Variants in RBFOX1 observed in about 807,000 individuals in gnomAD.
RBFOX1 encodes RNA binding fox-1 homolog 1, also known as RNA binding protein fox-1 homolog 1.
RBFOX1 carries 8 observed loss-of-function variants against 57.7 expected under a neutral mutation model. That is an observed-to-expected ratio of 0.14 (90% CI 0.08 to 0.25). The LOEUF is 0.25. Among genes scored for constraint, RBFOX1 ranks in the 10% least tolerant of loss-of-function variants. The pLI is 1.00. For missense variants in RBFOX1, 611 were observed against 548.5 expected (o/e 1.11, Z -1.14); for synonymous variants, 326 against 222.4 (o/e 1.47, Z -4.15).
chr16:5,887,569 T>C (rs1388122485), intron 4 of RBFOX1, among the ~76,000 whole-genome samples: 1 of 151,640 alleles, frequency 6.6e-6, no homozygotes, highest in Admixed American at 6.6e-5. Context: ...GCCTGGATAA[T>C]TTTTTTTTCT....
At chr16:7,698,687 C>T (rs1223355142) in intron 14 of RBFOX1, among the ~76,000 whole-genome samples, 2 of 152,190 alleles carry the variant, frequency 1.3e-5, no homozygotes, top group African/African-American at 4.8e-5. Flanking sequence ...AGTTGTCATG[C>T]AGTAAATTGA....
chr16:5,615,200 A>G (rs1364290572), intron 3 of RBFOX1, among the ~76,000 whole-genome samples: 3 of 152,066 alleles, frequency 2.0e-5, no homozygotes, highest in African/African-American at 4.8e-5. Context: ...ACATCTGGCT[A>G]TCTTCATTTT....
At chr16:6,131,034 C>T (rs985392067) in intron 1 of RBFOX1, among the ~76,000 whole-genome samples, 13 of 152,076 alleles carry the variant, frequency 8.5e-5, no homozygotes, top group South Asian at 2.1e-4. Context: ...TTATAAAGAG[C>T]GTAAGAGGCC....
chr16:7,700,906 G>A (rs1228564766), intron 14 of RBFOX1, among the ~76,000 whole-genome samples: 1 of 152,082 alleles, frequency 6.6e-6, no homozygotes. Context: ...ATGGGTAAAT[G>A]GTCTGAGTCT....
intron 2 of RBFOX1, among the ~76,000 whole-genome samples, chr16:5,532,786 T>A (rs2044539834): frequency 6.6e-6 from 1 of 152,078 alleles, no homozygotes; most frequent in South Asian, 2.1e-4. Context: ...TGGGGTGAAT[T>A]GGGGTGGTGG....
intron 3 of RBFOX1, among the ~76,000 whole-genome samples, chr16:6,910,583 G>C (rs780041791): frequency 1.3e-5 from 2 of 152,140 alleles, no homozygotes; most frequent in African/African-American, 2.4e-5. Flanking sequence ...CAAAGCCTCA[G>C]CAGGGCTGCA....
intron 3 of RBFOX1, among the ~76,000 whole-genome samples, chr16:6,734,456 A>G (rs149823581): frequency 1.9e-3 from 286 of 152,296 alleles, no homozygotes; most frequent in African/African-American, 6.5e-3. Context: ...CCTCATGATA[A>G]AGGTCATGGT....
At chr16:5,311,331 C>T (rs1347460925) in intron 1 of RBFOX1, among the ~76,000 whole-genome samples, 1 of 152,104 alleles carries the variant, frequency 6.6e-6, no homozygotes, top group African/African-American at 2.4e-5. Context: ...GGTTCCATAT[C>T]TTTGCAATTG....
chr16:5,262,188 C>T (rs2062752131), intron 1 of RBFOX1, among the ~76,000 whole-genome samples: 1 of 152,196 alleles, frequency 6.6e-6, no homozygotes, highest in Admixed American at 6.5e-5. Flanking sequence ...AGGATTTGGA[C>T]ATGCAGTAAC....
At chr16:6,994,977 G>A (rs1396055861) in intron 3 of RBFOX1, among the ~76,000 whole-genome samples, 1 of 146,282 alleles carries the variant, frequency 6.8e-6, no homozygotes, top group African/African-American at 2.5e-5. Context: ...GTGTGTGTTG[G>A]TCATTGTATT....
chr16:6,611,412 G>A (rs1318385305), intron 2 of RBFOX1, among the ~76,000 whole-genome samples: 1 of 152,186 alleles, frequency 6.6e-6, no homozygotes, highest in African/African-American at 2.4e-5. Context: ...CTCCCAAAGT[G>A]CTGGGATGTC....
intron 4 of RBFOX1, among the ~76,000 whole-genome samples, chr16:7,384,702 A>C (rs2097848506): frequency 6.6e-6 from 1 of 152,206 alleles, no homozygotes; most frequent in Non-Finnish European, 1.5e-5. Flanking sequence ...CTAGACTTAG[A>C]CTTGCACGAA....
intron 1 of RBFOX1, among the ~76,000 whole-genome samples, chr16:5,281,379 A>G (rs927180374): frequency 1.8e-4 from 27 of 152,166 alleles, no homozygotes; most frequent in African/African-American, 4.3e-4. Context: ...CCATGTGTTG[A>G]TGAGATGATA....
intron 1 of RBFOX1, among the ~76,000 whole-genome samples, chr16:5,263,394 C>T (rs1375319674): frequency 2.0e-5 from 3 of 152,060 alleles, no homozygotes; most frequent in South Asian, 2.1e-4. Context: ...TGATGAAGAT[C>T]AACAAAGTTT....
chr16:5,267,445 A>G (rs2062888813), intron 1 of RBFOX1, among the ~76,000 whole-genome samples: 1 of 151,896 alleles, frequency 6.6e-6, no homozygotes, highest in Non-Finnish European at 1.5e-5. Context: ...CTACAGGTAC[A>G]CTCCACCATG....
chr16:6,094,221 C>G lies in RBFOX1; in HGVS notation c.-127+74229C>G, dbSNP rs1027135873. 3.3e-5 allele frequency among the ~76,000 whole-genome samples: 5 copies of G among 152,226 alleles called. 1 individual carries two copies. Among genetic ancestry groups the G allele is most frequent in the Middle Eastern group, 3.4e-3 (1 of 294 alleles). On this transcript the variant is annotated intron_variant, in intron 1 of 15. Transcript: ENST00000550418. ...TGTGCTTTCCATGGATGAGGAAGAC[C>G]AGCCATTTCCCTTTGACGGCCTCCT...
At chr16:7,537,303 C>T (rs974136648) in intron 5 of RBFOX1, among the ~76,000 whole-genome samples, 1 of 152,180 alleles carries the variant, frequency 6.6e-6, no homozygotes. Context: ...CTGTAATATA[C>T]AGTATTCACA....
At chr16:5,989,055 T>A (rs939484245) in intron 4 of RBFOX1, among the ~76,000 whole-genome samples, 59 of 151,706 alleles carry the variant, frequency 3.9e-4, no homozygotes, top group African/African-American at 1.4e-3. Context: ...GCGCGGTGGC[T>A]CACGCCTGTA....
At chr16:6,892,834 C>T (rs372995694) in intron 3 of RBFOX1, among the ~76,000 whole-genome samples, 1 of 134,908 alleles carries the variant, frequency 7.4e-6, no homozygotes. Context: ...CTCTATTCTG[C>T]TTCAGGGTGT....
Sources: gnomAD v4.1 joint callset for allele counts (sites outside exome capture counted in the v4.1 genomes callset) on GRCh38, gnomAD v4.1.1 for gene constraint, MANE v1.5 for transcripts, NCBI Gene and HGNC (gene_info 2026-07-23, HGNC 2026-07-21) for gene names.